ATL3: variants seen among roughly 807,000 people sequenced by gnomAD.
ATL3 encodes the protein atlastin GTPase 3, also known as atlastin-3.
ATL3 carries 49 observed loss-of-function variants against 69.5 expected under a neutral mutation model. The ratio of observed to expected loss-of-function variants is 0.71; its 90% CI spans 0.56 to 0.89. The LOEUF is 0.89. Among genes scored for constraint, ATL3 ranks in the 40% least tolerant of loss-of-function variants. The probability of loss-of-function intolerance (pLI) is 0.00; values close to 1 mark genes in which losing one functional copy is unlikely to be tolerated. For synonymous variants in ATL3, 214 were observed against 224.1 expected (o/e 0.95, Z 0.40); for missense variants, 606 against 645.7 (o/e 0.94, Z 0.67).
At position 63,626,695 on chromosome 11, in the gene ATL3, C is replaced by G. The variant is rs967293040; in HGVS notation, c.*2624G>C. On this transcript the variant is annotated 3_prime_UTR_variant, in exon 13 of 13. Coordinates refer to ENST00000398868, the MANE Select transcript of ATL3 (RefSeq NM_015459.5). ...ATGGAAAGCGGCAGAGCAACAGACA[C>G]GACGCAAACAGGCACAGTCTGAGCA... 1 of 152,020 alleles carries G rather than the reference C, an allele frequency of 6.6e-6. No individual in the cohort carries two copies. The highest frequency in any genetic ancestry group is 1.5e-5 in the Non-Finnish European group (1 of 68,016). 9.4% of individuals were successfully genotyped at this position (152,020 alleles called of 1,614,324 possible).
intron 1 of ATL3, among the ~76,000 whole-genome samples, chr11:63,665,596 A>G (rs972816563): frequency 2.0e-5 from 3 of 152,150 alleles, no homozygotes; most frequent in African/African-American, 4.8e-5. Flanking sequence ...AGATTAAAAA[A>G]GATCTTGTTG....
At chr11:63,671,615 G>A, upstream of ATL3, 1 of 1,422,946 alleles carries the variant, frequency 7.0e-7, no homozygotes, top group Non-Finnish European at 9.2e-7. Flanking sequence ...CCGCGTGTGC[G>A]CGAAGCGAGC....
At chr11:63,640,305 T>C (rs1207474343) in intron 8 of ATL3, among the ~76,000 whole-genome samples, 1 of 152,100 alleles carries the variant, frequency 6.6e-6, no homozygotes, top group African/African-American at 2.4e-5. Flanking sequence ...TTTGTTTTTT[T>C]GAGACAGGGT....
At chr11:63,669,408 G>A (rs376626015) in intron 1 of ATL3, among the ~76,000 whole-genome samples, 2 of 151,728 alleles carry the variant, frequency 1.3e-5, no homozygotes, top group African/African-American at 4.8e-5. Flanking sequence ...GGTGGAGGGC[G>A]CCTGTAATCC....
At chr11:63,655,040 A>G (rs1354700429) in intron 3 of ATL3, among the ~76,000 whole-genome samples, 6 of 151,790 alleles carry the variant, frequency 4.0e-5, no homozygotes, top group Non-Finnish European at 8.8e-5. Flanking sequence ...AGACTTGTGG[A>G]TTTTCCCTTG....
intron 8 of ATL3, among the ~76,000 whole-genome samples, chr11:63,640,323 T>C (rs1458502457): frequency 6.6e-6 from 1 of 152,184 alleles, no homozygotes; most frequent in Non-Finnish European, 1.5e-5. Flanking sequence ...GGTCTCACTC[T>C]GTCACCCAGG....
chr11:63,651,580 T>C (rs1257162224), intron 5 of ATL3, among the ~76,000 whole-genome samples: 1 of 152,080 alleles, frequency 6.6e-6, no homozygotes, highest in African/African-American at 2.4e-5. Context: ...CCCCTTCCTG[T>C]CACACTCTCC....
intron 11 of ATL3, chr11:63,632,407 A>C: frequency 1.2e-6 from 1 of 846,386 alleles, no homozygotes; most frequent in African/African-American, 1.7e-5. Context: ...TTTTGATAGT[A>C]TCCAAAGAGG....
rs921472985 is a variant in ATL3, at chr11:63,628,904, C to G, written c.*415G>C. The G allele has an allele frequency of 4.4e-5, 7 of 159,102 alleles. No homozygotes were observed. The Admixed American group carries it at 4.4e-4, about 10-fold the overall frequency. 9.9% of individuals were successfully genotyped at this position (159,102 alleles called of 1,614,324 possible). On this transcript the variant is annotated 3_prime_UTR_variant, in exon 13 of 13. Transcript: ENST00000398868. ...AGTATAAAAGAAATGTCAAGTTTCA[C>G]CCGAAAACGGCACCTTTCATGAGGT...
In ATL3 at chr11:63,633,090, G is replaced by GA. The variant is rs763532852; in HGVS notation, c.1042_1043insT (p.Ala348ValfsTer2). On this transcript the variant is annotated frameshift_variant, in exon 11 of 13. Transcript: ENST00000398868. LOFTEE classifies it high-confidence loss of function. ...TGCAGCTGCTAAGTTGTTGGCTTCA[G>GA]CAGTGGCCTTTTAAGAGAGAAAAAC... 1 of 1,613,894 alleles carries GA rather than the reference G, an allele frequency of 6.2e-7. No homozygotes were observed. Among genetic ancestry groups the GA allele is most frequent in the African/African-American group, 1.3e-5 (1 of 74,928 alleles).
intron 1 of ATL3, among the ~76,000 whole-genome samples, chr11:63,663,310 G>A (rs886478800): frequency 1.3e-5 from 2 of 151,894 alleles, no homozygotes; most frequent in African/African-American, 4.8e-5. Flanking sequence ...TGTAGAGATG[G>A]GGGTCTCATT....
chr11:63,660,948 T>TA (rs1940400806), intron 1 of ATL3, among the ~76,000 whole-genome samples: 1 of 151,824 alleles, frequency 6.6e-6, no homozygotes, highest in Non-Finnish European at 1.5e-5. Context: ...GCTCAGTGGC[T>TA]CACATTTACA....
chr11:63,651,911 T>C, intron 5 of ATL3, 25 bp downstream of exon 5: 1 of 1,578,888 alleles, frequency 6.3e-7, no homozygotes, highest in Non-Finnish European at 8.6e-7. Context: ...AATATGATGT[T>C]AAAATTGTTA....
At chr11:63,665,642 C>CT (rs1246497206) in intron 1 of ATL3, among the ~76,000 whole-genome samples, 1 of 152,026 alleles carries the variant, frequency 6.6e-6, no homozygotes, top group African/African-American at 2.4e-5. Context: ...AATCCTAGCA[C>CT]TTTTGGGAGG....
At chr11:63,655,129 G>A (rs769911316) in intron 3 of ATL3, among the ~76,000 whole-genome samples, 1 of 152,072 alleles carries the variant, frequency 6.6e-6, no homozygotes, top group Non-Finnish European at 1.5e-5. Flanking sequence ...TGGAAACTCT[G>A]GTTTTTTCTG....
intron 5 of ATL3, among the ~76,000 whole-genome samples, chr11:63,649,667 G>A (rs1028453389): frequency 2.6e-5 from 4 of 151,138 alleles, no homozygotes; most frequent in Admixed American, 6.6e-5. Flanking sequence ...GAGTAGCTGC[G>A]ATTACAGGCA....
chr11:63,669,160 C>T (rs1328063042), intron 1 of ATL3, among the ~76,000 whole-genome samples: 1 of 151,958 alleles, frequency 6.6e-6, no homozygotes, highest in African/African-American at 2.4e-5. Flanking sequence ...TTAGCGCCTA[C>T]TATACCAGGA....
At chr11:63,648,722 T>C (rs1939970253) in intron 5 of ATL3, among the ~76,000 whole-genome samples, 1 of 151,950 alleles carries the variant, frequency 6.6e-6, no homozygotes, top group African/African-American at 2.4e-5. Context: ...GGCAGGAGAA[T>C]TGCTTGAGTC....
chr11:63,668,792 T>TC (rs1461957362), intron 1 of ATL3, among the ~76,000 whole-genome samples: 2 of 122,980 alleles, frequency 1.6e-5, no homozygotes, highest in Non-Finnish European at 3.3e-5. Flanking sequence ...CTGTGTTCCT[T>TC]TTTTTTTTTT....
Sources: allele counts gnomAD v4.1 joint callset (sites outside exome capture counted in the v4.1 genomes callset), GRCh38; gene constraint gnomAD v4.1.1; transcripts MANE v1.5; gene names NCBI Gene and HGNC (gene_info 2026-07-23, HGNC 2026-07-21).